Variants in OCA2 observed in about 807,000 individuals in gnomAD.
OCA2 encodes OCA2 melanosomal transmembrane protein, also known as P protein.
In OCA2, 77 loss-of-function variants were observed where a neutral mutation model predicts 100.2. The observed-to-expected ratio is 0.77, with a 90% CI of 0.64 to 0.93. The LOEUF (loss-of-function observed/expected upper bound fraction) is 0.93, where lower values mean the gene tolerates loss of function less well. Ranked by LOEUF, OCA2 falls within the 40% of genes least tolerant of loss-of-function variation. The pLI is 0.00. For synonymous variants in OCA2, 432 were observed against 439.2 expected (o/e 0.98, Z 0.21); for missense variants, 1,062 against 1,089.1 (o/e 0.98, Z 0.35).
In OCA2 at chr15:27,845,040, A is replaced by T. The variant is rs1407345721; in HGVS notation, c.2351T>A (p.Leu784Gln). The T allele has an allele frequency of 3.1e-6, 5 of 1,613,798 alleles. No individual in the cohort carries two copies. Among genetic ancestry groups the T allele is most frequent in the Non-Finnish European group, 8.5e-7 (1 of 1,179,746 alleles). ...CACGACGTTTGCCGACGCGCCAATCAGTGTCCCGTTACCTAAAGTCAAAAT... is the reference window on the plus strand; with the variant it reads ...CACGACGTTTGCCGACGCGCCAATCTGTGTCCCGTTACCTAAAGTCAAAAT... ...FGACLGGNGT[L>Q]IGASANVVCA... The change falls in exon 23 of 24, where the codon CTG becomes CAG. Residue 784 changes from leucine (L) to glutamine (Q), a missense_variant. Coordinates refer to ENST00000354638, the MANE Select transcript of OCA2 (RefSeq NM_000275.3).
the OCA2 span, among the ~76,000 whole-genome samples, chr15:27,722,802 T>TTTCTCTCTCTCTTTCTCTC: frequency 2.5e-5 from 1 of 39,500 alleles, no homozygotes; most frequent in African/African-American, 8.2e-5. Flanking sequence ...CTCTCTCTCT[T>TTTCTCTCTCTCTTTCTCTC]TCTCTCTCTC....
At chr15:27,823,218 T>C (rs141700932) in intron 23 of OCA2, among the ~76,000 whole-genome samples, 2 of 152,340 alleles carry the variant, frequency 1.3e-5, no homozygotes, top group Admixed American at 6.5e-5. Flanking sequence ...TTTCTGTCTT[T>C]GCACTAAGAC....
chr15:27,875,074 G>C (rs2036732730), intron 19 of OCA2, among the ~76,000 whole-genome samples: 1 of 152,094 alleles, frequency 6.6e-6, no homozygotes, highest in South Asian at 2.1e-4. Flanking sequence ...AAGAGAAAAT[G>C]ATAATTTTAA....
At chr15:28,024,948 G>A in intron 4 of OCA2, 46 bp from the exon 5 acceptor site, 6 of 1,589,310 alleles carry the variant, frequency 3.8e-6, no homozygotes, top group Non-Finnish European at 5.2e-6. Context: ...CAGCAGTCCT[G>A]TTGCCCAGAC....
At chr15:27,851,584 G>A (rs1200229129) in intron 21 of OCA2, 109 bp from the exon 22 acceptor site, 3 of 895,362 alleles carry the variant, frequency 3.4e-6, no homozygotes, top group Non-Finnish European at 3.6e-6. Context: ...CAAACTCTAA[G>A]GAGCATAAGA....
At position 27,951,649 on chromosome 15, in the gene OCA2, C is replaced by A. The variant is rs1595705991; in HGVS notation, c.1951+135G>T. 17 of 725,830 alleles carry A rather than the reference C, an allele frequency of 2.3e-5. No homozygotes were observed. In the East Asian group the frequency reaches 4.6e-4, roughly 19 times the overall value. The allele number at this position is 725,830 out of a possible 1,614,324, so 45.0% of individuals were successfully genotyped here. A position where few individuals can be genotyped will look rare whatever the true frequency, so the allele number is the denominator to read the frequency against. ...CCTTCTTCCCAGGGCAGGCTGCCCA[C>A]CCTCCATCTCAGCCCTCTCTGGCCT... On this transcript the variant is annotated intron_variant, in intron 18 of 23. Transcript: ENST00000354638.
chr15:27,871,191 G>A lies in OCA2; in HGVS notation c.2207C>T (p.Ser736Leu), dbSNP rs780296175. The A allele has an allele frequency of 3.4e-5, 55 of 1,613,986 alleles. No homozygotes were observed. The highest frequency in any genetic ancestry group is 8.0e-5 in the African/African-American group (6 of 74,890). Residue 736 changes from serine (S) to leucine (L), a missense_variant, in exon 21 of 24, where the codon TCG becomes TTG. Ser to Leu is a moderately radical substitution (Grantham distance 145, BLOSUM62 -2). Transcript: ENST00000354638. ...GAACGGGATGTTGTCAATCAGGGACGACGCCAGGGCTGAGACCCACACCAC... is the reference window on the plus strand; with the variant it reads ...GAACGGGATGTTGTCAATCAGGGACAACGCCAGGGCTGAGACCCACACCAC... ...VLVVWVSALA[S>L]SLIDNIPFTA...
At chr15:27,994,378 G>A (rs556979945) in intron 9 of OCA2, among the ~76,000 whole-genome samples, 47 of 152,220 alleles carry the variant, frequency 3.1e-4, no homozygotes, top group Middle Eastern at 3.4e-3. Flanking sequence ...CTAGTCCCTG[G>A]TGCCAAAAAG....
At chr15:27,794,946 TTC>T (rs2033262740) in intron 23 of OCA2, among the ~76,000 whole-genome samples, 1 of 152,212 alleles carries the variant, frequency 6.6e-6, no homozygotes, top group Non-Finnish European at 1.5e-5. Flanking sequence ...AAACAATCTA[TTC>T]TAGTAGTTCA....
intron 2 of OCA2, among the ~76,000 whole-genome samples, chr15:28,039,267 CA>C (rs1339480316): frequency 1.3e-5 from 2 of 152,270 alleles, no homozygotes; most frequent in African/African-American, 4.8e-5. Flanking sequence ...AATAACAAAA[CA>C]GAAGACTTGA....
intron 16 of OCA2, among the ~76,000 whole-genome samples, chr15:27,956,918 G>T (rs2040240878): frequency 6.6e-6 from 1 of 152,194 alleles, no homozygotes; most frequent in South Asian, 2.1e-4. Flanking sequence ...GTTCATAAGG[G>T]TTCACATTTC....
intron 13 of OCA2, 61 bp downstream of exon 13, chr15:27,985,003 G>A (rs2041299267): frequency 1.9e-6 from 3 of 1,604,680 alleles, no homozygotes; most frequent in South Asian, 2.2e-5. Flanking sequence ...AGGCAGTGCA[G>A]GCAGAGCCCC....
At chr15:28,079,722 C>T (rs930145690) in intron 2 of OCA2, among the ~76,000 whole-genome samples, 4 of 152,166 alleles carry the variant, frequency 2.6e-5, no homozygotes, top group African/African-American at 9.7e-5. Flanking sequence ...CATCTCCACA[C>T]TCAGCCTAGG....
At chr15:28,037,158 G>A (rs759035955) in intron 2 of OCA2, among the ~76,000 whole-genome samples, 13 of 151,988 alleles carry the variant, frequency 8.6e-5, no homozygotes, top group African/African-American at 1.9e-4. Flanking sequence ...ATGCAGAGCC[G>A]TGTAAAAGAG....
chr15:27,774,349 A>C (rs953195954), intron 23 of OCA2, among the ~76,000 whole-genome samples: 3 of 152,208 alleles, frequency 2.0e-5, no homozygotes, highest in African/African-American at 7.2e-5. Context: ...TGAGGCCTTC[A>C]GGCCCCCCGC....
At chr15:27,868,564 G>A (rs2036419022) in intron 21 of OCA2, among the ~76,000 whole-genome samples, 1 of 152,094 alleles carries the variant, frequency 6.6e-6, no homozygotes, top group Non-Finnish European at 1.5e-5. Context: ...GGGGGTGGAG[G>A]GAGGGGGATG....
At chr15:28,004,431 G>A (rs560133411) in intron 9 of OCA2, among the ~76,000 whole-genome samples, 5 of 152,164 alleles carry the variant, frequency 3.3e-5, no homozygotes, top group Non-Finnish European at 7.4e-5. Flanking sequence ...GGGCTGCAGG[G>A]GAGCCTGCGG....
chr15:28,064,164 C>T (rs745830203), intron 2 of OCA2, among the ~76,000 whole-genome samples: 2 of 152,092 alleles, frequency 1.3e-5, no homozygotes, highest in Non-Finnish European at 2.9e-5. Flanking sequence ...ATCAACTGTG[C>T]ATGTAATTAA....
At chr15:28,083,301 T>C (rs1174019741) in intron 1 of OCA2, among the ~76,000 whole-genome samples, 1 of 152,160 alleles carries the variant, frequency 6.6e-6, no homozygotes, top group Non-Finnish European at 1.5e-5. Flanking sequence ...AGAACTTACT[T>C]CAAATATAGA....
Sources: allele counts gnomAD v4.1 joint callset (sites outside exome capture counted in the v4.1 genomes callset), GRCh38; gene constraint gnomAD v4.1.1; transcripts MANE v1.5; gene names NCBI Gene and HGNC (gene_info 2026-07-23, HGNC 2026-07-21).